PUM3: variants seen among roughly 807,000 people sequenced by gnomAD.
The protein encoded by PUM3 is pumilio homolog 3.
PUM3 carries 91 observed loss-of-function variants against 84.0 expected under a neutral mutation model. The observed-to-expected ratio is 1.08, with a 90% CI of 0.91 to 1.29. The LOEUF (loss-of-function observed/expected upper bound fraction) is 1.29, where lower values mean the gene tolerates loss of function less well. Ranked by LOEUF, PUM3 falls within the 50% of genes most tolerant of loss-of-function variation. The pLI is 0.00. For missense variants in PUM3, 1,067 were observed against 767.5 expected, an observed-to-expected ratio of 1.39 and a Z score of -4.61; for synonymous variants, 321 against 266.7, an observed-to-expected ratio of 1.20 and a Z score of -1.98.
intron 11 of PUM3, 101 bp downstream of exon 11, chr9:2,824,616 A>C (rs1815757487): frequency 1.5e-6 from 1 of 681,436 alleles, no homozygotes; most frequent in Admixed American, 3.9e-5. Context: ...CAGGGCAAAG[A>C]CCAAAGGGGG....
rs140050711 is a variant in PUM3, at chr9:2,819,720, G to C, written c.1269+298C>G. 5.9e-5 allele frequency among the ~76,000 whole-genome samples: 9 copies of C among 152,196 alleles called. No homozygotes were observed. The East Asian group carries it at 1.7e-3, about 29-fold the overall frequency. ...AATATCACTTTGCTAATTTTCCATA[G>C]TTTAGAATCACGTATGTTCTAAAGT... On this transcript the variant is annotated intron_variant, in intron 13 of 17. Coordinates refer to ENST00000397885, the MANE Select transcript of PUM3 (RefSeq NM_014878.5).
chr9:2,842,700 G>A (rs1816297492), intron 1 of PUM3, among the ~76,000 whole-genome samples: 1 of 151,994 alleles, frequency 6.6e-6, no homozygotes, highest in African/African-American at 2.4e-5. Context: ...TCTCCATTAT[G>A]AACTTCTCCT....
At chr9:2,819,988 C>T in intron 13 of PUM3, 30 bp downstream of exon 13, 1 of 1,458,796 alleles carries the variant, frequency 6.9e-7, no homozygotes, top group African/African-American at 1.4e-5. Flanking sequence ...ATCGATGTAA[C>T]TTAAATTCAA....
chr9:2,811,721 T>C, intron 14 of PUM3, 138 bp from the exon 15 acceptor site: 1 of 647,858 alleles, frequency 1.5e-6, no homozygotes, highest in African/African-American at 1.8e-5. Flanking sequence ...CTGTTAAGCA[T>C]GTAGACAATA....
Position 2,837,186 on chromosome 9 carries a change from T to C in PUM3, c.298A>G (p.Ser100Gly), listed in dbSNP as rs952553092. 6.2e-7 allele frequency: 1 copy of C among 1,613,876 alleles called. No individual in the cohort carries two copies. The highest frequency in any genetic ancestry group is 8.5e-7 in the Non-Finnish European group (1 of 1,179,894). The change falls in exon 3 of 18, where the codon AGC becomes GGC. Residue 100 changes from serine (S) to glycine (G), a missense_variant. By Grantham distance (56) the Ser-to-Gly change is moderately conservative. Transcript: ENST00000397885. ...TGAACGAACCAGTACTTACCATCGC[T>C]TCTACCATCTGGCTGGAATTTTCTC... ...KKRKFQPDGR[S>G]DESAAKKPKW...
chr9:2,831,254 G>A lies in PUM3; in HGVS notation c.607C>T (p.Arg203Ter), dbSNP rs375052256. 8.8e-5 allele frequency: 138 copies of A among 1,569,830 alleles called. No individual in the cohort carries two copies. The highest frequency in any genetic ancestry group is 1.2e-4 in the Non-Finnish European group (136 of 1,143,710). The change falls in exon 6 of 18, where the codon CGA (arginine) becomes TGA (stop). Residue 203 changes from arginine (R) to a stop codon, truncating the protein, a stop_gained. Coordinates refer to ENST00000397885, the MANE Select transcript of PUM3 (RefSeq NM_014878.5). LOFTEE classifies it high-confidence loss of function. ...ATCTTTAGTATGTAATAAATACCTC[G>A]CAATTCTTCAAAAGCCTGTTTTCTC... ...EQRKQAFEELRDDLVELSKAK... is the reference protein window; with the variant it reads ...EQRKQAFEEL
In PUM3 at chr9:2,837,215, T is replaced by C. The variant is rs753202855; in HGVS notation, c.269A>G (p.Lys90Arg). 3.7e-6 allele frequency: 6 copies of C among 1,614,172 alleles called. No individual in the cohort carries two copies. The highest frequency in any genetic ancestry group is 5.1e-6 in the Non-Finnish European group (6 of 1,179,982). ...NKFQPANKFN[K>R]KRKFQPDGRS... is the part of the protein sequence containing the mutation. ...ACCATCTGGCTGGAATTTTCTCTTCTTGTTGAATTTATTTGCCGGCTGGAA... is the reference window on the plus strand; with the variant it reads ...ACCATCTGGCTGGAATTTTCTCTTCCTGTTGAATTTATTTGCCGGCTGGAA... The change falls in exon 3 of 18, where the codon AAG (lysine) becomes AGG (arginine). Residue 90 changes from lysine to arginine, a missense_variant. By Grantham distance (26) the Lys-to-Arg change is conservative (BLOSUM62 2). Transcript: ENST00000397885.
chr9:2,834,082 G>C lies in PUM3; in HGVS notation c.389C>G (p.Thr130Ser), dbSNP rs2129873470. ...LKQSRQLSDK[T>S]NYDIVVRAKQ... Reference sequence around the variant, plus strand: ...TGCCCGAACAACAATGTCATAGTTGGTTTTATCACTGAGTTGTCTGCTTTG... The same window carrying C: ...TGCCCGAACAACAATGTCATAGTTGCTTTTATCACTGAGTTGTCTGCTTTG... Residue 130 changes from threonine (T) to serine (S), a missense_variant, in exon 4 of 18, where the codon ACC becomes AGC. Coordinates refer to ENST00000397885, the MANE Select transcript of PUM3 (RefSeq NM_014878.5). 6.2e-7 allele frequency: 1 copy of C among 1,613,506 alleles called. No homozygotes were observed. Among genetic ancestry groups the C allele is most frequent in the South Asian group, 1.1e-5 (1 of 91,020 alleles).
intron 17 of PUM3, among the ~76,000 whole-genome samples, chr9:2,807,077 G>A (rs1821273734): frequency 6.6e-6 from 1 of 152,050 alleles, no homozygotes; most frequent in Non-Finnish European, 1.5e-5. Context: ...GCGTGGTGGC[G>A]GGCACCTGCC....
intron 1 of PUM3, among the ~76,000 whole-genome samples, chr9:2,839,543 G>A (rs1457750311): frequency 1.3e-5 from 2 of 152,178 alleles, no homozygotes; most frequent in Admixed American, 6.5e-5. Context: ...AAAGGCTAAA[G>A]GATGCAGGAT....
chr9:2,836,818 T>C (rs1449806753), intron 3 of PUM3, among the ~76,000 whole-genome samples: 4 of 152,116 alleles, frequency 2.6e-5, no homozygotes, highest in Non-Finnish European at 5.9e-5. Context: ...TGCGTGTGTG[T>C]GTGTGTGTTT....
intron 3 of PUM3, among the ~76,000 whole-genome samples, chr9:2,835,675 C>CTAATT (rs2129878816): frequency 1.3e-5 from 2 of 152,196 alleles, no homozygotes; most frequent in East Asian, 3.9e-4. Flanking sequence ...TGATCCAGGG[C>CTAATT]TAATTTAATT....
At chr9:2,843,921 A>C (rs1158178211) in intron 1 of PUM3, 124 bp downstream of exon 1, 1 of 153,428 alleles carries the variant, frequency 6.5e-6, no homozygotes, top group Non-Finnish European at 1.5e-5. Flanking sequence ...CCAAACTCCT[A>C]GCCCAGAAAG....
At chr9:2,837,911 T>C (rs952419435) in intron 2 of PUM3, among the ~76,000 whole-genome samples, 19 of 152,184 alleles carry the variant, frequency 1.2e-4, no homozygotes, top group Non-Finnish European at 2.5e-4. Flanking sequence ...ATTAAAATTA[T>C]TTATCAAAAA....
chr9:2,833,119 A>C (rs1816027794), intron 5 of PUM3, among the ~76,000 whole-genome samples: 1 of 152,234 alleles, frequency 6.6e-6, no homozygotes, highest in African/African-American at 2.4e-5. Context: ...ACACTGGCTT[A>C]TTTTAAGAAT....
At chr9:2,819,054 G>C (rs1821531392) in intron 13 of PUM3, among the ~76,000 whole-genome samples, 1 of 152,210 alleles carries the variant, frequency 6.6e-6, no homozygotes, top group Non-Finnish European at 1.5e-5. Context: ...ATATCAAACA[G>C]AAAGGCTTGT....
chr9:2,808,433 C>A (rs1472195906), intron 16 of PUM3, among the ~76,000 whole-genome samples: 1 of 152,180 alleles, frequency 6.6e-6, no homozygotes, highest in African/African-American at 2.4e-5. Flanking sequence ...ATCAAAAATA[C>A]CATTTTTCTC....
chr9:2,815,296 G>C (rs937121192), intron 13 of PUM3, among the ~76,000 whole-genome samples: 8 of 152,022 alleles, frequency 5.3e-5, no homozygotes, highest in African/African-American at 1.5e-4. Context: ...GCTCACCCTC[G>C]TTACAGCTTT....
intron 4 of PUM3, 50 bp from the exon 5 acceptor site, chr9:2,833,482 T>C (rs202093134): frequency 2.9e-6 from 3 of 1,048,118 alleles, no homozygotes; most frequent in East Asian, 2.5e-5. Context: ...GAAGTTATTT[T>C]AAACACACAA....
Sources: allele counts gnomAD v4.1 joint callset (sites outside exome capture counted in the v4.1 genomes callset), GRCh38; gene constraint gnomAD v4.1.1; transcripts MANE v1.5; gene names NCBI Gene and HGNC (gene_info 2026-07-23, HGNC 2026-07-21).